The following KCNIP4 variants were observed in gnomAD, a reference collection of about 807,000 sequenced individuals.
KCNIP4 encodes Kv channel-interacting protein 4.
A neutral mutation model predicts 34.0 loss-of-function variants in KCNIP4; 12 were observed. That is an observed-to-expected ratio of 0.35 (90% confidence interval 0.23 to 0.57). KCNIP4 has a LOEUF of 0.57. Among genes scored for constraint, KCNIP4 ranks in the 20% least tolerant of loss-of-function variants. The pLI, the probability that KCNIP4 is intolerant of heterozygous loss-of-function variation, is 0.83. For missense variants in KCNIP4, 238 were observed against 311.7 expected, an observed-to-expected ratio of 0.76 and a Z score of 1.78; for synonymous variants, 124 against 102.2, an observed-to-expected ratio of 1.21 and a Z score of -1.29.
intron 1 of KCNIP4, among the ~76,000 whole-genome samples, chr4:20,894,020 A>G (rs1315612342): frequency 2.0e-5 from 3 of 152,046 alleles, no homozygotes; most frequent in Non-Finnish European, 4.4e-5. Context: ...AGCTGGGATT[A>G]CAGGTGCCTG....
intron 1 of KCNIP4, among the ~76,000 whole-genome samples, chr4:21,409,434 T>TAAA (rs1724296886): frequency 6.6e-6 from 1 of 152,122 alleles, no homozygotes; most frequent in Admixed American, 6.5e-5. Flanking sequence ...GTGGATCCGC[T>TAAA]TTTCTGAACT....
chr4:20,822,559 A>C (rs1717237662), intron 3 of KCNIP4, among the ~76,000 whole-genome samples: 1 of 152,180 alleles, frequency 6.6e-6, no homozygotes, highest in Non-Finnish European at 1.5e-5. Context: ...TCAATCCAGC[A>C]ATCCCACCAC....
rs576517770 is a variant in KCNIP4, at chr4:21,597,081, T to C, written c.61+351490A>G. 7.9e-5 allele frequency among the ~76,000 whole-genome samples: 12 copies of C among 152,190 alleles called. No homozygotes were observed. The South Asian group carries it at 2.5e-3, about 32-fold the overall frequency. ...AATACCTTTGATAAAATATTGTTCATTGATATGGTTTGGCTGTGTCCCCAC... is the reference window on the plus strand; with the variant it reads ...AATACCTTTGATAAAATATTGTTCACTGATATGGTTTGGCTGTGTCCCCAC... On this transcript the variant is annotated intron_variant, in intron 1 of 8. Transcript: ENST00000382152.
At chr4:21,485,958 C>A (rs1456596762) in intron 1 of KCNIP4, among the ~76,000 whole-genome samples, 3 of 143,366 alleles carry the variant, frequency 2.1e-5, no homozygotes, top group Admixed American at 2.1e-4. Context: ...CTGCTGCTTC[C>A]CACAGCCTGG....
At position 20,835,754 on chromosome 4, in the gene KCNIP4, C is replaced by A. The variant is rs997759644; in HGVS notation, c.288+14789G>T. Among the ~76,000 whole-genome samples, 12 of 151,924 alleles carry A rather than the reference C, an allele frequency of 7.9e-5. No individual in the cohort carries two copies. The East Asian group carries it at 1.7e-3, about 22-fold the overall frequency. Reference sequence around the variant, plus strand: ...AAATTTTGATTACTAATTCTTAACACCCCCCAATCTCACTCAACAATTTCC... The same window carrying A: ...AAATTTTGATTACTAATTCTTAACAACCCCCAATCTCACTCAACAATTTCC... On this transcript the variant is annotated intron_variant, in intron 3 of 8. Transcript: ENST00000382152.
chr4:21,209,394 CT>C lies in KCNIP4; in HGVS notation c.62-326686del, dbSNP rs943710267. Among the ~76,000 whole-genome samples the C allele has an allele frequency of 6.6e-5, 10 of 152,106 alleles. No homozygotes were observed. The East Asian group carries it at 1.2e-3, about 18-fold the overall frequency. ...TTTGTATCCTTTAGCAAATTTCCCC[CT>C]ACCCCTCTTTCCCCAACACTCTTCC... On this transcript the variant is annotated intron_variant, in intron 1 of 8. Coordinates refer to ENST00000382152, the MANE Select transcript of KCNIP4 (RefSeq NM_025221.6).
chr4:21,435,296 T>C (rs1577355531), intron 1 of KCNIP4, among the ~76,000 whole-genome samples: 2 of 152,194 alleles, frequency 1.3e-5, no homozygotes, highest in African/African-American at 2.4e-5. Flanking sequence ...TTAAAAGATA[T>C]GACTATGGGT....
Position 21,374,607 on chromosome 4 carries a change from G to A in KCNIP4, c.62-491898C>T, listed in dbSNP as rs1001316862. 6.1e-5 allele frequency among the ~76,000 whole-genome samples: 9 copies of A among 147,540 alleles called. No homozygotes were observed. The East Asian group carries it at 1.2e-3, about 19-fold the overall frequency. On this transcript the variant is annotated intron_variant, in intron 1 of 8. Coordinates refer to ENST00000382152, the MANE Select transcript of KCNIP4 (RefSeq NM_025221.6). ...AAGGCAACAACAGGTGAACTGTATGGTATGGGCATGATAACTTAATAGAGT... is the reference window on the plus strand; with the variant it reads ...AAGGCAACAACAGGTGAACTGTATGATATGGGCATGATAACTTAATAGAGT...
At chr4:21,492,223 T>C (rs1282855246) in intron 1 of KCNIP4, among the ~76,000 whole-genome samples, 2 of 151,984 alleles carry the variant, frequency 1.3e-5, no homozygotes, top group African/African-American at 2.4e-5. Context: ...GATATACATA[T>C]ACTTTTTTGT....
intron 1 of KCNIP4, among the ~76,000 whole-genome samples, chr4:21,063,003 C>T (rs1297064218): frequency 1.3e-5 from 2 of 152,104 alleles, no homozygotes; most frequent in East Asian, 3.9e-4. Flanking sequence ...GTCAAGTTAA[C>T]ACATAAAATT....
chr4:21,947,700 C>T (rs1006492845), intron 1 of KCNIP4, among the ~76,000 whole-genome samples: 1 of 152,132 alleles, frequency 6.6e-6, no homozygotes, highest in South Asian at 2.1e-4. Context: ...CATATGTGAC[C>T]CCTTAGCTTA....
chr4:21,301,278 A>T (rs1298693975), intron 1 of KCNIP4, among the ~76,000 whole-genome samples: 1 of 152,180 alleles, frequency 6.6e-6, no homozygotes, highest in Non-Finnish European at 1.5e-5. Context: ...CAAAATAACA[A>T]CTACATTATA....
At chr4:21,762,797 C>A in intron 1 of KCNIP4, 1 of 581,196 alleles carries the variant, frequency 1.7e-6, no homozygotes, top group South Asian at 2.1e-5. Flanking sequence ...CCAGTCATGA[C>A]TCTTCTTTAT....
intron 1 of KCNIP4, among the ~76,000 whole-genome samples, chr4:21,270,220 A>G (rs1315156714): frequency 2.6e-5 from 4 of 152,156 alleles, no homozygotes; most frequent in Non-Finnish European, 5.9e-5. Flanking sequence ...TCAAATTAAC[A>G]CTTACACGGA....
At chr4:21,157,534 G>A (rs965691957) in intron 1 of KCNIP4, among the ~76,000 whole-genome samples, 1 of 151,780 alleles carries the variant, frequency 6.6e-6, no homozygotes, top group African/African-American at 2.4e-5. Context: ...TAGTGATCTC[G>A]GAGATACCTG....
At chr4:21,517,406 A>G (rs777436068) in intron 1 of KCNIP4, among the ~76,000 whole-genome samples, 5 of 152,198 alleles carry the variant, frequency 3.3e-5, no homozygotes, top group African/African-American at 4.8e-5. Flanking sequence ...GGGAATTTCA[A>G]CGTCCTAACT....
chr4:21,686,189 T>C (rs1444877977), intron 1 of KCNIP4, among the ~76,000 whole-genome samples: 1 of 152,138 alleles, frequency 6.6e-6, no homozygotes, highest in Non-Finnish European at 1.5e-5. Flanking sequence ...TCTTGAAAAA[T>C]AAAAATCTTC....
intron 2 of KCNIP4, among the ~76,000 whole-genome samples, chr4:20,867,095 T>C (rs1172708255): frequency 1.3e-5 from 2 of 152,084 alleles, no homozygotes; most frequent in Non-Finnish European, 2.9e-5. Flanking sequence ...ATGCAATTTA[T>C]AGATTAAATA....
chr4:20,796,073 G>A (rs1334695047), intron 3 of KCNIP4, among the ~76,000 whole-genome samples: 2 of 152,138 alleles, frequency 1.3e-5, no homozygotes, highest in African/African-American at 4.8e-5. Context: ...AATTCAATGA[G>A]TGCATACATG....
Sources: allele counts gnomAD v4.1 joint callset (sites outside exome capture counted in the v4.1 genomes callset), GRCh38; gene constraint gnomAD v4.1.1; transcripts MANE v1.5; gene names NCBI Gene and HGNC (gene_info 2026-07-23, HGNC 2026-07-21).